The following SLC25A26 variants were observed in gnomAD, a reference collection of about 807,000 sequenced individuals.
SLC25A26 encodes solute carrier family 25 member 26, also known as mitochondrial S-adenosylmethionine carrier protein.
A neutral mutation model predicts 37.8 loss-of-function variants in SLC25A26; 36 were observed. The ratio of observed to expected loss-of-function variants is 0.95; its 90% CI spans 0.73 to 1.26. The LOEUF (loss-of-function observed/expected upper bound fraction) is 1.26, where lower values mean the gene tolerates loss of function less well. Among genes scored for constraint, SLC25A26 ranks in the 50% most tolerant of loss-of-function variants. The pLI is 0.00. For missense variants in SLC25A26, 390 were observed against 331.1 expected, an observed-to-expected ratio of 1.18 and a Z score of -1.38; for synonymous variants, 129 against 122.5, an observed-to-expected ratio of 1.05 and a Z score of -0.35.
chr3:66,176,104 GA>G (rs1418577784), intron 1 of SLC25A26, among the ~76,000 whole-genome samples: 2 of 152,026 alleles, frequency 1.3e-5, no homozygotes, highest in African/African-American at 4.8e-5. Context: ...TGGAATCTTT[GA>G]AAAAACACAC....
Position 66,239,816 on chromosome 3 carries a change from C to CTT in SLC25A26, c.190+3139_190+3140dup, listed in dbSNP as rs536690709. ...ATGGGTTAATGAGTTTCCTTTCTTTCTTTTTTTTTTTTTTTTTTTTTTTTA... is the reference window on the plus strand; with the variant it reads ...ATGGGTTAATGAGTTTCCTTTCTTTCTTTTTTTTTTTTTTTTTTTTTTTTTTA... On this transcript the variant is annotated intron_variant, in intron 2 of 9. Coordinates refer to ENST00000354883, the MANE Select transcript of SLC25A26 (RefSeq NM_001379210.1). 8.1e-3 allele frequency among the ~76,000 whole-genome samples: 891 copies of CTT among 110,136 alleles called. 10 individuals carry two copies. The highest frequency in any genetic ancestry group is 0.018 in the South Asian group (53 of 2,964). 72.3% of individuals were successfully genotyped at this position (110,136 alleles called of 152,430 possible). A position where few individuals can be genotyped will look rare whatever the true frequency, so the allele number is the denominator to read the frequency against.
chr3:66,217,261 G>C (rs1204259822), upstream of SLC25A26, among the ~76,000 whole-genome samples: 1 of 152,140 alleles, frequency 6.6e-6, no homozygotes, highest in Non-Finnish European at 1.5e-5. Flanking sequence ...CTTAGGGAAG[G>C]AATTACATCA....
chr3:66,295,818 A>G lies in SLC25A26; in HGVS notation c.453+32439A>G, dbSNP rs190436876. Among the ~76,000 whole-genome samples the G allele has an allele frequency of 1.2e-3, 178 of 151,514 alleles. 3 individuals are homozygous for G. Among genetic ancestry groups the G allele is most frequent in the Admixed American group, 9.0e-3 (137 of 15,212 alleles). ...CGGCCATGTGTGTGTTTTTAAAACT[A>G]TTTTTTAAATTCCATTTCTTGTCTG... is the stretch of plus-strand genomic sequence containing the variant. On this transcript the variant is annotated intron_variant, in intron 5 of 9. Transcript: ENST00000354883.
chr3:66,287,945 T>G (rs948313766), intron 5 of SLC25A26, among the ~76,000 whole-genome samples: 1 of 152,198 alleles, frequency 6.6e-6, no homozygotes, highest in Admixed American at 6.5e-5. Flanking sequence ...TTGCTGTAGT[T>G]TTGAGAATAA....
Position 66,305,737 on chromosome 3 carries a change from A to G in SLC25A26, c.454-40627A>G, listed in dbSNP as rs150638367. 4.4e-3 allele frequency among the ~76,000 whole-genome samples: 664 copies of G among 151,870 alleles called. 5 individuals carry two copies. The highest frequency in any genetic ancestry group is 0.015 in the African/African-American group (637 of 41,410). Reference sequence around the variant, plus strand: ...TTTGGGTTGATTCCTTGTCTTTGCTATTGTGAATAGTGCTGCAGTGAACAT... The same window carrying G: ...TTTGGGTTGATTCCTTGTCTTTGCTGTTGTGAATAGTGCTGCAGTGAACAT... On this transcript the variant is annotated intron_variant, in intron 5 of 9. Coordinates refer to ENST00000354883, the MANE Select transcript of SLC25A26 (RefSeq NM_001379210.1).
intron 3 of SLC25A26, among the ~76,000 whole-genome samples, chr3:66,247,990 A>G (rs1032308561): frequency 6.6e-6 from 1 of 152,228 alleles, no homozygotes; most frequent in Non-Finnish European, 1.5e-5. Context: ...TAGAGATTAT[A>G]AGAAATACTT....
intron 5 of SLC25A26, among the ~76,000 whole-genome samples, chr3:66,285,922 T>A (rs1240314294): frequency 6.6e-6 from 1 of 152,196 alleles, no homozygotes; most frequent in Non-Finnish European, 1.5e-5. Flanking sequence ...GAGTTGATGC[T>A]GTTTCTCATA....
At chr3:66,321,051 A>G (rs2075680082) in intron 5 of SLC25A26, among the ~76,000 whole-genome samples, 2 of 152,064 alleles carry the variant, frequency 1.3e-5, no homozygotes, top group Admixed American at 6.6e-5. Context: ...CCATGATGGG[A>G]TTAGCATCTT....
chr3:66,193,146 G>A (rs1458568526), intron 1 of SLC25A26, among the ~76,000 whole-genome samples: 3 of 151,916 alleles, frequency 2.0e-5, no homozygotes, highest in Non-Finnish European at 2.9e-5. Flanking sequence ...GCTTTATTTA[G>A]TATACTGACA....
At chr3:66,274,027 G>A (rs1187744867) in intron 5 of SLC25A26, among the ~76,000 whole-genome samples, 3 of 152,262 alleles carry the variant, frequency 2.0e-5, no homozygotes, top group Middle Eastern at 3.4e-3. Context: ...AACCAAAACA[G>A]CATGGTACTG....
chr3:66,241,782 T>G (rs1446631508), intron 2 of SLC25A26, among the ~76,000 whole-genome samples: 1 of 152,184 alleles, frequency 6.6e-6, no homozygotes, highest in African/African-American at 2.4e-5. Flanking sequence ...TGGATGTTTT[T>G]GTAAACCTAT....
chr3:66,198,862 C>T (rs1326103239), intron 1 of SLC25A26, among the ~76,000 whole-genome samples: 9 of 151,952 alleles, frequency 5.9e-5, no homozygotes, highest in South Asian at 2.1e-4. Context: ...CCTTCACACG[C>T]GTTTTGACCC....
intron 1 of SLC25A26, among the ~76,000 whole-genome samples, chr3:66,156,587 G>A (rs2070285885): frequency 6.6e-6 from 1 of 152,160 alleles, no homozygotes; most frequent in African/African-American, 2.4e-5. Flanking sequence ...AGTCCAGAAT[G>A]TTCCTTGCAA....
intron 5 of SLC25A26, among the ~76,000 whole-genome samples, chr3:66,288,249 T>TG (rs1214465549): frequency 1.3e-5 from 2 of 152,216 alleles, no homozygotes; most frequent in Non-Finnish European, 2.9e-5. Context: ...AGTTGAATTC[T>TG]GGGCAGTCCT....
chr3:66,165,874 T>A (rs1246353452), intron 1 of SLC25A26, among the ~76,000 whole-genome samples: 2 of 151,054 alleles, frequency 1.3e-5, no homozygotes, highest in Non-Finnish European at 3.0e-5. Flanking sequence ...ATGCAAGGAG[T>A]GGTAATTCAG....
At chr3:66,368,551 C>T (rs184810999) in intron 7 of SLC25A26, among the ~76,000 whole-genome samples, 96 of 152,312 alleles carry the variant, frequency 6.3e-4, no homozygotes, top group African/African-American at 2.3e-3. Context: ...AGAAAGGTAA[C>T]TTTGACTAGC....
At chr3:66,349,671 A>G (rs2076405492) in intron 6 of SLC25A26, among the ~76,000 whole-genome samples, 1 of 152,190 alleles carries the variant, frequency 6.6e-6, no homozygotes, top group Non-Finnish European at 1.5e-5. Flanking sequence ...ATTTGCATAT[A>G]GTATTGGTAT....
intron 5 of SLC25A26, among the ~76,000 whole-genome samples, chr3:66,303,563 T>C (rs2075134315): frequency 6.6e-6 from 1 of 152,244 alleles, no homozygotes. Flanking sequence ...TTAACTAGAA[T>C]GTCCCACATT....
In SLC25A26 at chr3:66,137,883, G is replaced by A. The variant is rs941703533; in HGVS notation, c.-354+3899G>A. 5.3e-5 allele frequency among the ~76,000 whole-genome samples: 8 copies of A among 151,994 alleles called. No homozygotes were observed. The East Asian group carries it at 7.8e-4, about 15-fold the overall frequency. Reference sequence around the variant, plus strand: ...CAGTGTCGCTCTGTCACCCAGGCTGGAGTGCAGTAGCCCAATCTTGGCTCT... The same window carrying A: ...CAGTGTCGCTCTGTCACCCAGGCTGAAGTGCAGTAGCCCAATCTTGGCTCT... On this transcript the variant is annotated intron_variant, in intron 1 of 10. Transcript: ENST00000676754.
Sources: gnomAD v4.1 joint callset for allele counts (sites outside exome capture counted in the v4.1 genomes callset) on GRCh38, gnomAD v4.1.1 for gene constraint, MANE v1.5 for transcripts, NCBI Gene and HGNC (gene_info 2026-07-23, HGNC 2026-07-21) for gene names.